GRIP1: variants seen among roughly 807,000 people sequenced by gnomAD.
GRIP1 encodes the protein glutamate receptor interacting protein 1, also known as glutamate receptor-interacting protein 1.
A neutral mutation model predicts 129.9 loss-of-function variants in GRIP1; 45 were observed. The ratio of observed to expected loss-of-function variants is 0.35; its 90% CI spans 0.27 to 0.44. The LOEUF (loss-of-function observed/expected upper bound fraction) is 0.44, where lower values mean the gene tolerates loss of function less well. GRIP1 is among the 20% of genes least tolerant of loss of function. The probability of loss-of-function intolerance (pLI) is 1.00; values close to 1 mark genes in which losing one functional copy is unlikely to be tolerated. For synonymous variants in GRIP1, 530 were observed against 520.8 expected, an observed-to-expected ratio of 1.02 and a Z score of -0.24; for missense variants, 1,196 against 1,396.8, an observed-to-expected ratio of 0.86 and a Z score of 2.29.
At chr12:66,613,432 G>C (rs374643164) in intron 1 of GRIP1, among the ~76,000 whole-genome samples, 14 of 152,058 alleles carry the variant, frequency 9.2e-5, no homozygotes, top group East Asian at 7.7e-4. Context: ...GGCATAGAAA[G>C]GTTCCTGTAT....
chr12:66,365,679 G>A (rs534902071), intron 23 of GRIP1, among the ~76,000 whole-genome samples: 8 of 152,290 alleles, frequency 5.3e-5, no homozygotes, highest in African/African-American at 1.9e-4. Flanking sequence ...AAACTGATAA[G>A]TGACTGGTCA....
At chr12:66,470,942 C>T (rs2059422387) in intron 7 of GRIP1, among the ~76,000 whole-genome samples, 1 of 152,172 alleles carries the variant, frequency 6.6e-6, no homozygotes, top group South Asian at 2.1e-4. Context: ...CTGGGACCTT[C>T]AGTCAAGGGA....
intron 1 of GRIP1, among the ~76,000 whole-genome samples, chr12:66,632,336 A>AGCC (rs1475116003): frequency 6.6e-6 from 1 of 152,222 alleles, no homozygotes; most frequent in Non-Finnish European, 1.5e-5. Context: ...GAGAAGGCAA[A>AGCC]GCCATTGTAA....
intron 20 of GRIP1, 144 bp downstream of exon 20, chr12:66,379,136 T>C (rs1327766471): frequency 6.2e-6 from 6 of 971,998 alleles, no homozygotes; most frequent in Non-Finnish European, 9.8e-6. Flanking sequence ...TTTAGAATCC[T>C]GCCATGTGGC....
At chr12:66,547,596 A>C (rs1263401683) in intron 2 of GRIP1, among the ~76,000 whole-genome samples, 1 of 152,218 alleles carries the variant, frequency 6.6e-6, no homozygotes, top group Non-Finnish European at 1.5e-5. Context: ...CAGCAATCAA[A>C]AGGGTCAAAC....
rs1376479928 is a variant in GRIP1, at chr12:66,528,133, G to GGTTTTTTTTTTT, written c.502+1686_502+1697dup. ...ATAGAATTATACTTTAGAATTAGTA[G>GGTTTTTTTTTTT]GTTTTTTTTTTTTTTTTTTGAGATG... On this transcript the variant is annotated intron_variant, in intron 5 of 24. Coordinates refer to ENST00000359742, the MANE Select transcript of GRIP1 (RefSeq NM_001366722.1). Among the ~76,000 whole-genome samples, 436 of 63,612 alleles carry GGTTTTTTTTTTT rather than the reference G, an allele frequency of 6.9e-3. 11 individuals carry two copies. The highest frequency in any genetic ancestry group is 0.028 in the East Asian group (68 of 2,412). The allele number at this position is 63,612 out of a possible 152,430, so 41.7% of individuals were successfully genotyped here.
chr12:66,643,268 A>G (rs1444065846), intron 1 of GRIP1, among the ~76,000 whole-genome samples: 1 of 152,268 alleles, frequency 6.6e-6, no homozygotes, highest in East Asian at 1.9e-4. Context: ...AATGCATCCT[A>G]AGGAAATAAC....
intron 5 of GRIP1, among the ~76,000 whole-genome samples, chr12:66,527,967 G>C (rs2061313091): frequency 2.0e-5 from 3 of 151,822 alleles, no homozygotes; most frequent in Admixed American, 1.3e-4. Flanking sequence ...TTGAACCTAA[G>C]ATAGAAGTTG....
intron 1 of GRIP1, among the ~76,000 whole-genome samples, chr12:66,599,961 C>A (rs2064207208): frequency 6.6e-6 from 1 of 152,104 alleles, no homozygotes; most frequent in African/African-American, 2.4e-5. Context: ...GTCATTGGGT[C>A]CACATGTTGC....
At chr12:66,423,168 C>T (rs1259974183) in intron 14 of GRIP1, among the ~76,000 whole-genome samples, 4 of 152,120 alleles carry the variant, frequency 2.6e-5, no homozygotes, top group Non-Finnish European at 5.9e-5. Context: ...TGGTTGGGTC[C>T]AAAATCCTGG....
At chr12:66,371,347 C>G (rs1477478267) in intron 23 of GRIP1, among the ~76,000 whole-genome samples, 1 of 152,026 alleles carries the variant, frequency 6.6e-6, no homozygotes, top group Admixed American at 6.6e-5. Context: ...TTAGTAGAGA[C>G]AGGGTTTCAC....
intron 1 of GRIP1, among the ~76,000 whole-genome samples, chr12:66,749,331 T>C (rs1566001582): frequency 6.6e-6 from 1 of 152,296 alleles, no homozygotes; most frequent in East Asian, 1.9e-4. Flanking sequence ...GTTTACTCAG[T>C]GTAATTTGGG....
intron 1 of GRIP1, among the ~76,000 whole-genome samples, chr12:67,019,486 T>C (rs967323462): frequency 6.6e-6 from 1 of 152,136 alleles, no homozygotes; most frequent in African/African-American, 2.4e-5. Context: ...TCGTGAAAAA[T>C]AGTCACTGAA....
intron 1 of GRIP1, among the ~76,000 whole-genome samples, chr12:66,738,036 C>T (rs376667400): frequency 6.6e-6 from 1 of 152,162 alleles, no homozygotes; most frequent in African/African-American, 2.4e-5. Context: ...GGGGAATTCA[C>T]TTCTGGTGCC....
chr12:67,021,304 C>T (rs891263420), intron 1 of GRIP1, among the ~76,000 whole-genome samples: 1 of 152,036 alleles, frequency 6.6e-6, no homozygotes, highest in Non-Finnish European at 1.5e-5. Context: ...TTCTTCCTGT[C>T]CCCCAACAAC....
chr12:66,845,205 C>G (rs944727010), intron 1 of GRIP1, among the ~76,000 whole-genome samples: 2 of 152,012 alleles, frequency 1.3e-5, no homozygotes, highest in African/African-American at 4.8e-5. Flanking sequence ...AAATATAATC[C>G]CAGCACTTTG....
At chr12:66,674,218 A>G (rs1039778745) in intron 1 of GRIP1, among the ~76,000 whole-genome samples, 2 of 152,140 alleles carry the variant, frequency 1.3e-5, no homozygotes, top group Non-Finnish European at 2.9e-5. Flanking sequence ...CACAGAGTGG[A>G]TGAGGAATCA....
At chr12:66,658,665 C>G (rs1350428748) in intron 1 of GRIP1, among the ~76,000 whole-genome samples, 1 of 151,906 alleles carries the variant, frequency 6.6e-6, no homozygotes, top group Non-Finnish European at 1.5e-5. Context: ...TCCCAGCATT[C>G]TGGGAGGCCA....
intron 1 of GRIP1, among the ~76,000 whole-genome samples, chr12:66,955,504 G>GTT (rs71088226): frequency 2.2e-4 from 25 of 114,532 alleles, no homozygotes; most frequent in South Asian, 5.5e-4. Flanking sequence ...TACTTTTTTG[G>GTT]TTTTTTTTTT....
Sources: allele counts gnomAD v4.1 joint callset (sites outside exome capture counted in the v4.1 genomes callset), GRCh38; gene constraint gnomAD v4.1.1; transcripts MANE v1.5; gene names NCBI Gene and HGNC (gene_info 2026-07-23, HGNC 2026-07-21).